Variants in CAMKMT observed in about 807,000 individuals in gnomAD.
CAMKMT encodes the protein CaM KMT.
CAMKMT carries 53 observed loss-of-function variants against 48.0 expected under a neutral mutation model. The ratio of observed to expected loss-of-function variants is 1.10; its 90% CI spans 0.89 to 1.39. CAMKMT has a LOEUF of 1.39. CAMKMT is among the 40% of genes most tolerant of loss of function. The pLI, the probability that CAMKMT is intolerant of heterozygous loss-of-function variation, is 0.00. For synonymous variants in CAMKMT, 165 were observed against 152.3 expected, an observed-to-expected ratio of 1.08 and a Z score of -0.61; for missense variants, 428 against 402.7, an observed-to-expected ratio of 1.06 and a Z score of -0.54.
chr2:44,574,679 A>G (rs1341463326), intron 3 of CAMKMT, among the ~76,000 whole-genome samples: 1 of 151,848 alleles, frequency 6.6e-6, no homozygotes, highest in Non-Finnish European at 1.5e-5. Context: ...GAGTAATTTG[A>G]TAATGAAATG....
intron 3 of CAMKMT, among the ~76,000 whole-genome samples, chr2:44,616,601 T>A (rs763700070): frequency 1.3e-5 from 2 of 152,162 alleles, no homozygotes; most frequent in Non-Finnish European, 2.9e-5. Context: ...TTTCTTGTCC[T>A]CAGCTCAACC....
At chr2:44,455,426 G>C (rs1340972084) in intron 3 of CAMKMT, among the ~76,000 whole-genome samples, 1 of 152,162 alleles carries the variant, frequency 6.6e-6, no homozygotes, top group Non-Finnish European at 1.5e-5. Context: ...TACACTGTAA[G>C]GGCTTCAGGA....
chr2:44,755,414 A>G (rs1271210011), intron 9 of CAMKMT, among the ~76,000 whole-genome samples: 1 of 152,166 alleles, frequency 6.6e-6, no homozygotes, highest in Non-Finnish European at 1.5e-5. Flanking sequence ...GGGCATTTGC[A>G]AGACTAGGAT....
At chr2:44,673,516 A>AGGAAGGAAGGAAGGAG (rs1553435798) in intron 3 of CAMKMT, among the ~76,000 whole-genome samples, 1 of 105,266 alleles carries the variant, frequency 9.5e-6, no homozygotes, top group Non-Finnish European at 2.0e-5. Context: ...GAAGGAAGGA[A>AGGAAGGAAGGAAGGAG]GGAAGGAGGG....
At chr2:44,572,085 A>G (rs770350407) in intron 3 of CAMKMT, among the ~76,000 whole-genome samples, 5 of 152,112 alleles carry the variant, frequency 3.3e-5, no homozygotes, top group African/African-American at 4.8e-5. Context: ...ACCACCATCC[A>G]TCTCTAGAAC....
At chr2:44,394,970 G>A (rs1004900295) in intron 3 of CAMKMT, 1 of 453,874 alleles carries the variant, frequency 2.2e-6, no homozygotes, top group Non-Finnish European at 4.4e-6. Context: ...GCAAGCCTGG[G>A]CAATATAGCA....
chr2:44,374,337 T>G lies in CAMKMT; in HGVS notation c.311+1449T>G, dbSNP rs1679471295. Among the ~76,000 whole-genome samples, 2 of 152,134 alleles carry G rather than the reference T, an allele frequency of 1.3e-5. 1 individual carries two copies. Among genetic ancestry groups the G allele is most frequent in the South Asian group, 4.1e-4 (2 of 4,834 alleles). On this transcript the variant is annotated intron_variant, in intron 2 of 10. Transcript: ENST00000378494. ...GTGTCAGGTACAGAGCTAGGTGTTTTGATGTATTCCATTTCAAGTGATCCT... is the reference window on the plus strand; with the variant it reads ...GTGTCAGGTACAGAGCTAGGTGTTTGGATGTATTCCATTTCAAGTGATCCT...
At chr2:44,549,876 T>A in intron 3 of CAMKMT, 1 of 350,650 alleles carries the variant, frequency 2.9e-6, no homozygotes, top group Non-Finnish European at 5.1e-6. Flanking sequence ...GTCTTGGTGT[T>A]ATGTGAAGAG....
intron 7 of CAMKMT, among the ~76,000 whole-genome samples, chr2:44,733,889 AT>A (rs1679215140): frequency 6.6e-6 from 1 of 152,030 alleles, no homozygotes; most frequent in African/African-American, 2.4e-5. Flanking sequence ...TATCCTCTTA[AT>A]ATTTATGGAC....
intron 9 of CAMKMT, among the ~76,000 whole-genome samples, chr2:44,765,043 C>T (rs956483410): frequency 2.6e-5 from 4 of 151,698 alleles, no homozygotes; most frequent in African/African-American, 7.3e-5. Flanking sequence ...GTCAACATGG[C>T]GAAACCCCAT....
intron 3 of CAMKMT, among the ~76,000 whole-genome samples, chr2:44,514,492 G>A (rs1386555407): frequency 6.6e-6 from 1 of 152,144 alleles, no homozygotes; most frequent in Non-Finnish European, 1.5e-5. Context: ...GGCGGACATT[G>A]GTTTATGGTG....
chr2:44,634,487 C>T (rs7572846), intron 3 of CAMKMT, among the ~76,000 whole-genome samples: 5,556 of 152,062 alleles, frequency 0.037, 334 homozygotes, highest in African/African-American at 0.13. Flanking sequence ...TCACTAGAAG[C>T]AGAAGCATTT....
chr2:44,399,625 GAAA>G (rs376930888), intron 3 of CAMKMT, among the ~76,000 whole-genome samples: 1 of 138,910 alleles, frequency 7.2e-6, no homozygotes, highest in African/African-American at 2.6e-5. Flanking sequence ...AAATAATCAA[GAAA>G]AAAAAAAAGC....
rs149281286 is a variant in CAMKMT, at chr2:44,474,544, A to T, written c.376+84239A>T. Among the ~76,000 whole-genome samples, 571 of 152,288 alleles carry T rather than the reference A, an allele frequency of 3.7e-3. 2 individuals are homozygous for T. The highest frequency in any genetic ancestry group is 0.013 in the African/African-American group (543 of 41,562). On this transcript the variant is annotated intron_variant, in intron 3 of 10. Transcript: ENST00000378494. ...AGATAAAGAGGGAGAGCGAAATGCT[A>T]ATTTTTTTCAAAGGAAATATAACCA...
At chr2:44,734,902 C>A (rs1197485566) in intron 7 of CAMKMT, among the ~76,000 whole-genome samples, 3 of 152,174 alleles carry the variant, frequency 2.0e-5, no homozygotes, top group Admixed American at 6.5e-5. Flanking sequence ...TGTAGCTTTG[C>A]TTATTTTCTG....
At chr2:44,768,527 G>A (rs1680956912) in intron 10 of CAMKMT, among the ~76,000 whole-genome samples, 1 of 151,826 alleles carries the variant, frequency 6.6e-6, no homozygotes, top group African/African-American at 2.4e-5. Context: ...GAAGGAGCTC[G>A]CCCAGAGGCC....
At chr2:44,728,178 G>A (rs1678891344) in intron 7 of CAMKMT, among the ~76,000 whole-genome samples, 1 of 151,990 alleles carries the variant, frequency 6.6e-6, no homozygotes, top group South Asian at 2.1e-4. Context: ...CTCCTGCCTC[G>A]GCCTCCCAAA....
intron 9 of CAMKMT, among the ~76,000 whole-genome samples, chr2:44,756,128 T>C (rs1442179886): frequency 6.6e-6 from 1 of 152,214 alleles, no homozygotes; most frequent in Non-Finnish European, 1.5e-5. Flanking sequence ...GCAGTTGTCC[T>C]CCCTGAGCCT....
intron 3 of CAMKMT, among the ~76,000 whole-genome samples, chr2:44,567,056 C>T (rs1031242968): frequency 3.3e-5 from 5 of 152,078 alleles, no homozygotes; most frequent in African/African-American, 1.2e-4. Context: ...ATTTCAGAAG[C>T]AAGTTCTGCT....
Sources: allele counts gnomAD v4.1 joint callset (sites outside exome capture counted in the v4.1 genomes callset), GRCh38; gene constraint gnomAD v4.1.1; transcripts MANE v1.5; gene names NCBI Gene and HGNC (gene_info 2026-07-23, HGNC 2026-07-21).